PRKAG1: variants seen among roughly 807,000 people sequenced by gnomAD.
PRKAG1 encodes the protein protein kinase AMP-activated non-catalytic subunit gamma 1, also known as 5'-AMP-activated protein kinase subunit gamma-1.
Under a neutral mutation model 48.2 loss-of-function variants are expected in PRKAG1, and 27 were observed. That is an observed-to-expected ratio of 0.56 (90% CI 0.41 to 0.77). The LOEUF (loss-of-function observed/expected upper bound fraction) is 0.77, where lower values mean the gene tolerates loss of function less well. PRKAG1 is among the 30% of genes least tolerant of loss of function. PRKAG1 has a pLI of 0.00. For missense variants in PRKAG1, 287 were observed against 398.3 expected, an observed-to-expected ratio of 0.72 and a Z score of 2.38; for synonymous variants, 130 against 147.7, an observed-to-expected ratio of 0.88 and a Z score of 0.87.
chr12:49,017,487 CAGGCGT>C, intron 1 of PRKAG1: 1 of 272,948 alleles, frequency 3.7e-6, no homozygotes, highest in South Asian at 3.2e-5. Flanking sequence ...ACTGGCATTA[CAGGCGT>C]GAGCCACCAC....
rs768874386 is a variant in PRKAG1 at position 49,018,750 on chromosome 12, C to T, written c.-10G>A. The T allele has an allele frequency of 4.3e-6, 7 of 1,612,730 alleles. 1 individual carries two copies. In the Middle Eastern group the frequency reaches 6.0e-4, roughly 137 times the overall value. The stretch of plus-strand genomic sequence containing the variant: ...TCCTCACCGTCTCCATTGCAAGAGG[C>T]GCCCGGCTTGGTTTCCTCGCTTTAG... On this transcript the variant is annotated 5_prime_UTR_variant, in exon 1 of 12. Transcript: ENST00000548065.
At chr12:49,018,678 G>C (rs373305644) in intron 1 of PRKAG1, 54 bp downstream of exon 1, 2 of 1,610,842 alleles carry the variant, frequency 1.2e-6, no homozygotes, top group Non-Finnish European at 1.7e-6. Flanking sequence ...CCTAAGGGTT[G>C]GGGGGGTGTC....
At chr12:49,016,262 AG>A (rs1283137238) in intron 1 of PRKAG1, among the ~76,000 whole-genome samples, 1 of 152,220 alleles carries the variant, frequency 6.6e-6, no homozygotes, top group Non-Finnish European at 1.5e-5. Flanking sequence ...TAATAACATA[AG>A]GGACCTGAGA....
intron 1 of PRKAG1, chr12:49,018,500 G>A (rs1428921565): frequency 1.4e-6 from 2 of 1,396,974 alleles, no homozygotes; most frequent in South Asian, 1.6e-5. Flanking sequence ...GTCACTGCCT[G>A]CTTGGGCTAA....
At chr12:49,015,770 G>A (rs556596449) in intron 1 of PRKAG1, among the ~76,000 whole-genome samples, 1 of 152,088 alleles carries the variant, frequency 6.6e-6, no homozygotes, top group South Asian at 2.1e-4. Flanking sequence ...TAGAGACGGG[G>A]TTTCACTATG....
In PRKAG1 at chr12:49,005,567, A is replaced by G; in HGVS notation, c.169-24T>C. On this transcript the variant is annotated intron_variant, in intron 3 of 11. Transcript: ENST00000548065. The surrounding 1 kb of genome is among the most constrained non-coding windows in gnomAD (Gnocchi z 4.1). ...ACCTGTAGCCAAGACAGTAATAATCATAAAGGCAAATCCACAGGGGCAGGA... is the reference window on the plus strand; with the variant it reads ...ACCTGTAGCCAAGACAGTAATAATCGTAAAGGCAAATCCACAGGGGCAGGA... 1 of 1,614,126 alleles carries G rather than the reference A, an allele frequency of 6.2e-7. No individual in the cohort carries two copies. Among genetic ancestry groups the G allele is most frequent in the Middle Eastern group, 1.6e-4 (1 of 6,062 alleles).
At chr12:49,003,492 C>T in intron 10 of PRKAG1, 66 bp downstream of exon 10, 1 of 1,584,490 alleles carries the variant, frequency 6.3e-7, no homozygotes, top group Non-Finnish European at 8.6e-7. Context: ...CCTTCTCCCT[C>T]TCCATATTTA....
chr12:49,011,780 T>G (rs929739548), intron 2 of PRKAG1, among the ~76,000 whole-genome samples: 2 of 152,150 alleles, frequency 1.3e-5, no homozygotes, highest in Non-Finnish European at 2.9e-5. Context: ...CAGACTGGTC[T>G]GTAACTTGTG....
chr12:49,011,913 A>G (rs1941775924), intron 2 of PRKAG1, among the ~76,000 whole-genome samples: 1 of 151,290 alleles, frequency 6.6e-6, no homozygotes, highest in South Asian at 2.1e-4. Context: ...GCTGGGGTGT[A>G]GTGGCACAGT....
chr12:49,003,721 G>A (rs554283422), intron 9 of PRKAG1, 36 bp downstream of exon 9: 24 of 1,606,480 alleles, frequency 1.5e-5, no homozygotes, highest in South Asian at 1.2e-4. Flanking sequence ...GACTTGCCTG[G>A]ATCTTCCCTC....
intron 2 of PRKAG1, among the ~76,000 whole-genome samples, chr12:49,009,031 T>C (rs1357047057): frequency 6.6e-6 from 1 of 152,160 alleles, no homozygotes; most frequent in Non-Finnish European, 1.5e-5. Flanking sequence ...CATTTTTCTT[T>C]TTCTATGACT....
In PRKAG1 at chr12:49,005,413, G is replaced by GC; in HGVS notation, c.250+48dup. On this transcript the variant is annotated intron_variant, in intron 4 of 11. Coordinates refer to ENST00000548065, the MANE Select transcript of PRKAG1 (RefSeq NM_002733.5). This position sits in a 1 kb window ranked among gnomAD's most constrained non-coding sequence, Gnocchi z 4.1. ...AGCACTGCCTGAAGCTTGTCTCCCT[G>GC]CCCAGCACAAGATGCCAATAATATT... The GC allele has an allele frequency of 6.2e-7, 1 of 1,614,042 alleles. No homozygotes were observed. The highest frequency in any genetic ancestry group is 8.5e-7 in the Non-Finnish European group (1 of 1,180,022).
chr12:49,008,277 T>C (rs1395480327), intron 2 of PRKAG1: 1 of 152,246 alleles, frequency 6.6e-6, no homozygotes, highest in East Asian at 1.9e-4. Context: ...CTTGTCCTTT[T>C]GTTTAATTTT....
intron 2 of PRKAG1, chr12:49,012,812 G>A (rs1592283015): frequency 1.0e-5 from 5 of 486,264 alleles, no homozygotes; most frequent in East Asian, 7.4e-5. Context: ...GTTGCCTATG[G>A]AAGTTTTGCC....
At chr12:49,015,302 C>T (rs1415941966) in intron 1 of PRKAG1, among the ~76,000 whole-genome samples, 1 of 152,222 alleles carries the variant, frequency 6.6e-6, no homozygotes, top group Non-Finnish European at 1.5e-5. Context: ...ATATACTGTA[C>T]TGTGCTACAG....
chr12:49,005,363 G>C lies in PRKAG1; in HGVS notation c.252C>G (p.Gly84=), dbSNP rs148920053. Residue 84 remains glycine, a splice_region_variant and synonymous_variant, in exon 5 of 12, where the codon GGC becomes GGG. Coordinates refer to ENST00000548065, the MANE Select transcript of PRKAG1 (RefSeq NM_002733.5). The surrounding 1 kb of genome is among the most constrained non-coding windows in gnomAD (Gnocchi z 4.1). ...TGATGAAATCAGTGATGGTCAGCAT[G>C]CCTAGAGGACAAGACAGAGCCCTCA... The part of the protein sequence containing the change: ...LWDSKKQSFV[G]MLTITDFINI... The C allele has an allele frequency of 1.3e-5, 21 of 1,614,066 alleles. No individual in the cohort carries two copies. The highest frequency in any genetic ancestry group is 8.3e-5 in the Admixed American group (5 of 59,996).
chr12:49,018,729 C>T lies in PRKAG1; in HGVS notation c.9+3G>A, dbSNP rs1254958070. The stretch of plus-strand genomic sequence containing the variant: ...CCCCCGACCGCCCTCCTGCACTCCT[C>T]ACCGTCTCCATTGCAAGAGGCGCCC... On this transcript the variant is annotated splice_donor_region_variant and intron_variant, in intron 1 of 11. Coordinates refer to ENST00000548065, the MANE Select transcript of PRKAG1 (RefSeq NM_002733.5). 6.2e-7 allele frequency: 1 copy of T among 1,613,276 alleles called. No individual in the cohort carries two copies. The highest frequency in any genetic ancestry group is 8.5e-7 in the Non-Finnish European group (1 of 1,180,016).
chr12:49,006,343 G>GCGAACC (rs1941535088), intron 2 of PRKAG1, among the ~76,000 whole-genome samples: 1 of 151,994 alleles, frequency 6.6e-6, no homozygotes, highest in Non-Finnish European at 1.5e-5. Context: ...CTCGAGGCCA[G>GCGAACC]CCTGGGCAAC....
chr12:49,005,905 A>G lies in PRKAG1; in HGVS notation c.59-53T>C. 1 of 1,344,440 alleles carries G rather than the reference A, an allele frequency of 7.4e-7. No homozygotes were observed. Among genetic ancestry groups the G allele is most frequent in the Non-Finnish European group, 1.0e-6 (1 of 975,642 alleles). 83.3% of individuals were successfully genotyped at this position (1,344,440 alleles called of 1,614,324 possible). On this transcript the variant is annotated intron_variant, in intron 2 of 11. Transcript: ENST00000548065. The surrounding 1 kb of genome is among the most constrained non-coding windows in gnomAD (Gnocchi z 4.1). ...TCCTTCCACATAAAAACTCCCAATC[A>G]AAAGAGACAGAAAACAAAATAGTGT...
Sources: allele counts gnomAD v4.1 joint callset (sites outside exome capture counted in the v4.1 genomes callset), GRCh38; gene constraint gnomAD v4.1.1; non-coding constraint Gnocchi (gnomAD v3.1); transcripts MANE v1.5; gene names NCBI Gene and HGNC (gene_info 2026-07-23, HGNC 2026-07-21).